Variants in PRORP observed in about 807,000 individuals in gnomAD.
PRORP encodes mitochondrial ribonuclease P catalytic subunit.
Under a neutral mutation model 59.4 loss-of-function variants are expected in PRORP, and 51 were observed. The observed-to-expected ratio is 0.86, with a 90% CI of 0.69 to 1.08. The LOEUF is 1.08. Among genes scored for constraint, PRORP ranks in the 50% least tolerant of loss-of-function variants. The pLI, the probability that PRORP is intolerant of heterozygous loss-of-function variation, is 0.00. For synonymous variants in PRORP, 231 were observed against 245.6 expected, an observed-to-expected ratio of 0.94 and a Z score of 0.55; for missense variants, 646 against 690.3, an observed-to-expected ratio of 0.94 and a Z score of 0.72.
In PRORP at chr14:35,206,623, A is replaced by T. The variant is rs533063620; in HGVS notation, c.1275+25846A>T. On this transcript the variant is annotated intron_variant, in intron 5 of 7. Transcript: ENST00000534898. ...CTGAAATCATCTTCTTCTCTACCATAAGTCTATAGACTAGCAACATCATCA... is the reference window on the plus strand; with the variant it reads ...CTGAAATCATCTTCTTCTCTACCATTAGTCTATAGACTAGCAACATCATCA... Among the ~76,000 whole-genome samples the T allele has an allele frequency of 8.5e-5, 13 of 152,312 alleles. No individual in the cohort carries two copies. The East Asian group carries it at 2.5e-3, about 29-fold the overall frequency.
intron 5 of PRORP, among the ~76,000 whole-genome samples, chr14:35,189,655 T>C (rs557639560): frequency 5.9e-5 from 9 of 152,176 alleles, no homozygotes; most frequent in Non-Finnish European, 1.0e-4. Context: ...GTTAGGCTAA[T>C]GATTGTGTTA....
chr14:35,226,843 T>G (rs1039091646), intron 5 of PRORP, among the ~76,000 whole-genome samples: 13 of 152,010 alleles, frequency 8.6e-5, no homozygotes, highest in Non-Finnish European at 2.9e-5. Context: ...CAGGTGATCC[T>G]CCCACTTCAG....
chr14:35,123,865 CTT>C lies in PRORP; in HGVS notation c.622_623del (p.Leu208ArgfsTer3). 6.2e-7 allele frequency: 1 copy of C among 1,614,078 alleles called. No homozygotes were observed. Among genetic ancestry groups the C allele is most frequent in the Non-Finnish European group, 8.5e-7 (1 of 1,180,004 alleles). On this transcript the variant is annotated frameshift_variant, in exon 2 of 8. Transcript: ENST00000534898. LOFTEE classifies it high-confidence loss of function. ...GAAATTATGAAAGCCAGATATAAGA[CTT>C]TAGAACCTAGAGGTTACAGTCTTCT...
intron 5 of PRORP, among the ~76,000 whole-genome samples, chr14:35,213,843 A>C (rs2049516081): frequency 1.3e-5 from 2 of 152,242 alleles, no homozygotes; most frequent in South Asian, 4.1e-4. Flanking sequence ...ATAATAATGA[A>C]AAATTGGAAA....
intron 4 of PRORP, among the ~76,000 whole-genome samples, chr14:35,135,563 G>T (rs370133782): frequency 2.0e-5 from 3 of 152,128 alleles, no homozygotes; most frequent in East Asian, 3.8e-4. Context: ...TGGCATCCAG[G>T]AGAGGGCCTC....
At chr14:35,130,263 A>G (rs1423738197) in intron 4 of PRORP, among the ~76,000 whole-genome samples, 3 of 151,848 alleles carry the variant, frequency 2.0e-5, no homozygotes, top group Admixed American at 6.6e-5. Flanking sequence ...TGATCTCCTG[A>G]CCTCATGATT....
At chr14:35,140,178 A>C in intron 4 of PRORP, among the ~76,000 whole-genome samples, 1 of 142,376 alleles carries the variant, frequency 7.0e-6, no homozygotes, top group South Asian at 2.3e-4. Context: ...CTCTTGGGTA[A>C]CTCTCTTAGG....
intron 5 of PRORP, among the ~76,000 whole-genome samples, chr14:35,213,313 A>G (rs569315262): frequency 6.6e-5 from 10 of 152,148 alleles, no homozygotes; most frequent in East Asian, 1.9e-4. Flanking sequence ...GCTCATTCCT[A>G]TAGTCCTAGC....
rs1252792612 is a variant in PRORP at position 35,276,118 on chromosome 14, G to A, written c.*2552G>A. On this transcript the variant is annotated 3_prime_UTR_variant, in exon 8 of 8. Transcript: ENST00000534898. ...AAGCCAGGAGTTGGAGACCAGCCTAGGCAACACAGGGAGACCCGTGTCGAC... is the reference window on the plus strand; with the variant it reads ...AAGCCAGGAGTTGGAGACCAGCCTAAGCAACACAGGGAGACCCGTGTCGAC... 1 of 152,392 alleles carries A rather than the reference G, an allele frequency of 6.6e-6. No individual in the cohort carries two copies. Among genetic ancestry groups the A allele is most frequent in the Admixed American group, 6.5e-5 (1 of 15,278 alleles). 9.4% of individuals were successfully genotyped at this position (152,392 alleles called of 1,614,324 possible).
At chr14:35,154,379 T>C (rs531544747) in intron 4 of PRORP, among the ~76,000 whole-genome samples, 3 of 152,318 alleles carry the variant, frequency 2.0e-5, no homozygotes, top group Admixed American at 6.5e-5. Context: ...AGGGAGAAAT[T>C]CCAAGTTGTT....
chr14:35,203,630 C>T (rs983513009), intron 5 of PRORP, among the ~76,000 whole-genome samples: 1 of 152,040 alleles, frequency 6.6e-6, no homozygotes, highest in East Asian at 1.9e-4. Context: ...TTTGGGAGGC[C>T]GAGGCGGGCG....
intron 5 of PRORP, among the ~76,000 whole-genome samples, chr14:35,252,629 G>C (rs564778054): frequency 2.4e-4 from 36 of 152,060 alleles, no homozygotes; most frequent in Middle Eastern, 3.4e-3. Flanking sequence ...CTCTCTCTAC[G>C]TGTCTGCAGT....
chr14:35,256,157 A>ATG (rs2050748499), intron 5 of PRORP, among the ~76,000 whole-genome samples: 1 of 149,314 alleles, frequency 6.7e-6, no homozygotes, highest in Non-Finnish European at 1.5e-5. Context: ...GGTGGCAGGC[A>ATG]CCTGTAATCC....
chr14:35,262,762 A>C (rs144222334), intron 5 of PRORP: 3 of 1,089,886 alleles, frequency 2.8e-6, no homozygotes, highest in East Asian at 4.7e-5. Context: ...TTCCCCATCA[A>C]TGTCGTTATC....
At chr14:35,182,077 A>G (rs73236946) in intron 5 of PRORP, among the ~76,000 whole-genome samples, 8,998 of 151,518 alleles carry the variant, frequency 0.059, 471 homozygotes, top group Admixed American at 0.18. Flanking sequence ...CAGCCTGGCT[A>G]ACATGGTGAA....
At chr14:35,167,322 T>A (rs1414010778) in intron 4 of PRORP, among the ~76,000 whole-genome samples, 1 of 152,208 alleles carries the variant, frequency 6.6e-6, no homozygotes, top group Non-Finnish European at 1.5e-5. Context: ...CAGCCTTTTT[T>A]CTTAAAATTG....
At chr14:35,126,558 C>T (rs1392130658) in intron 2 of PRORP, among the ~76,000 whole-genome samples, 177 bp from the exon 3 acceptor site, 1 of 152,158 alleles carries the variant, frequency 6.6e-6, no homozygotes, top group Non-Finnish European at 1.5e-5. Context: ...GAGCAGAGTA[C>T]CAGCAGCTTC....
In PRORP at chr14:35,180,727, G is replaced by T; in HGVS notation, c.1225G>T (p.Asp409Tyr). ...KSRPPFDVVI[D>Y]GLNVAKMFPK... ...TCGTCCTCCTTTTGATGTTGTCATT[G>T]ATGGTCTCAATGTTGCCAAAATGTT... is the stretch of plus-strand genomic sequence containing the variant. Residue 409 changes from aspartate to tyrosine, a missense_variant, in exon 5 of 8, where the codon GAT (aspartate) becomes TAT (tyrosine). By Grantham distance (160) the Asp-to-Tyr change is radical. Coordinates refer to ENST00000534898, the MANE Select transcript of PRORP (RefSeq NM_014672.4). 1.2e-6 allele frequency: 2 copies of T among 1,613,392 alleles called. No individual in the cohort carries two copies. The highest frequency in any genetic ancestry group is 1.7e-6 in the Non-Finnish European group (2 of 1,179,672).
chr14:35,182,394 C>T (rs1020735079), intron 5 of PRORP, among the ~76,000 whole-genome samples: 45 of 152,226 alleles, frequency 3.0e-4, no homozygotes, highest in Non-Finnish European at 5.4e-4. Flanking sequence ...CCTGTAATCC[C>T]AGCACTTTGG....
Sources: allele counts gnomAD v4.1 joint callset (sites outside exome capture counted in the v4.1 genomes callset), GRCh38; gene constraint gnomAD v4.1.1; transcripts MANE v1.5; gene names NCBI Gene and HGNC (gene_info 2026-07-23, HGNC 2026-07-21).